The following CBR4 variants were observed in gnomAD, a reference collection of about 807,000 sequenced individuals.
CBR4 encodes the protein carbonyl reductase 4.
A neutral mutation model predicts 21.0 loss-of-function variants in CBR4; 22 were observed. The observed-to-expected ratio is 1.05, with a 90% confidence interval of 0.75 to 1.50. The LOEUF is 1.50. Ranked by LOEUF, CBR4 falls within the 40% of genes most tolerant of loss-of-function variation. The pLI is 0.00. For synonymous variants in CBR4, 100 were observed against 104.4 expected, an observed-to-expected ratio of 0.96 and a Z score of 0.26; for missense variants, 302 against 286.3, an observed-to-expected ratio of 1.05 and a Z score of -0.40.
At chr4:168,992,372 A>G (rs868479639) in intron 4 of CBR4, among the ~76,000 whole-genome samples, 5 of 152,200 alleles carry the variant, frequency 3.3e-5, no homozygotes, top group Middle Eastern at 3.2e-3. Context: ...ACAGAGGTGA[A>G]TAAGAAATTA....
intron 2 of CBR4, among the ~76,000 whole-genome samples, 181 bp downstream of exon 2, chr4:169,007,454 AC>A (rs1479472662): frequency 6.6e-6 from 1 of 152,184 alleles, no homozygotes; most frequent in Admixed American, 6.5e-5. Flanking sequence ...ACTCAACTGG[AC>A]ATTTATTATA....
intron 2 of CBR4, among the ~76,000 whole-genome samples, chr4:168,907,007 C>G (rs1757953313): frequency 6.6e-6 from 1 of 152,208 alleles, no homozygotes; most frequent in Non-Finnish European, 1.5e-5. Context: ...TGAGCATGAA[C>G]TTTGGCATCA....
intron 2 of CBR4, among the ~76,000 whole-genome samples, chr4:168,976,179 G>A (rs890888295): frequency 6.6e-6 from 1 of 152,176 alleles, no homozygotes; most frequent in African/African-American, 2.4e-5. Flanking sequence ...ATTCAGCTAG[G>A]AGGTTCCTTC....
intron 2 of CBR4, among the ~76,000 whole-genome samples, chr4:168,916,952 A>C (rs914927650): frequency 2.6e-5 from 4 of 151,452 alleles, no homozygotes; most frequent in African/African-American, 9.7e-5. Flanking sequence ...TACAGGTGTG[A>C]GCCACAGTGC....
chr4:168,990,452 TTTGAGACAGG>T lies in CBR4; in HGVS notation c.536-134_536-125del, dbSNP rs1764862619. 5 of 935,424 alleles carry T rather than the reference TTTGAGACAGG, an allele frequency of 5.3e-6. No homozygotes were observed. The East Asian group carries it at 1.2e-4, about 23-fold the overall frequency. The allele number at this position is 935,424 out of a possible 1,614,324, so 57.9% of individuals were successfully genotyped here. ...GAAATTATTTAAAAAAAAATTTTTT[TTTGAGACAGG>T]GTCTCACTCTGTCACCCAAGCTAGA... On this transcript the variant is annotated intron_variant, in intron 4 of 4. Transcript: ENST00000306193.
At chr4:168,912,297 G>C (rs1004106529) in intron 2 of CBR4, among the ~76,000 whole-genome samples, 2 of 152,176 alleles carry the variant, frequency 1.3e-5, no homozygotes, top group Non-Finnish European at 2.9e-5. Context: ...CTCTGAGCTA[G>C]AACTCACTAA....
chr4:168,952,959 G>A (rs1763584162), intron 2 of CBR4, among the ~76,000 whole-genome samples: 1 of 152,200 alleles, frequency 6.6e-6, no homozygotes, highest in Admixed American at 6.5e-5. Flanking sequence ...AACTGGCAGT[G>A]GGCAGGGCCC....
At position 168,943,037 on chromosome 4, in the gene CBR4, C is replaced by T. The variant is rs185182445; in HGVS notation, n.170-48272G>A. On this transcript the variant is annotated intron_variant and non_coding_transcript_variant, in intron 2 of 3. Transcript: ENST00000509108. ...TTGGTGGGAATGTAGACTAGCACAA[C>T]CTCTATGGAGTACAGTATGGAGATT... Among the ~76,000 whole-genome samples, 16 of 152,270 alleles carry T rather than the reference C, an allele frequency of 1.1e-4. No homozygotes were observed. The East Asian group carries it at 2.1e-3, about 20-fold the overall frequency.
chr4:168,916,177 C>A (rs1267293365), intron 2 of CBR4: 14 of 793,686 alleles, frequency 1.8e-5, no homozygotes, highest in Non-Finnish European at 2.8e-5. Context: ...CTTTAGAGTC[C>A]AAAGCCGGGC....
intron 2 of CBR4, among the ~76,000 whole-genome samples, chr4:168,949,579 G>C (rs959670434): frequency 2.6e-5 from 4 of 152,120 alleles, no homozygotes; most frequent in African/African-American, 9.7e-5. Context: ...ATCATAAAGG[G>C]ATGCTGGATT....
At chr4:168,907,627 G>A (rs1368825328) in intron 2 of CBR4, among the ~76,000 whole-genome samples, 1 of 152,162 alleles carries the variant, frequency 6.6e-6, no homozygotes, top group African/African-American at 2.4e-5. Flanking sequence ...AAAAGAGAGT[G>A]GTTACTGCCC....
At chr4:168,926,175 C>T (rs1323392077) in intron 2 of CBR4, 1 of 1,457,116 alleles carries the variant, frequency 6.9e-7, no homozygotes, top group South Asian at 1.4e-5. Flanking sequence ...CCAAGTATAT[C>T]TTGATTAAAA....
chr4:168,917,049 G>GGTTTTTTTTTTTT (rs1491537610), intron 2 of CBR4, among the ~76,000 whole-genome samples: 1 of 124,876 alleles, frequency 8.0e-6, no homozygotes, highest in Non-Finnish European at 1.7e-5. Flanking sequence ...TTTTTTTGGG[G>GGTTTTTTTTTTTT]TTTTTTTTTT....
intron 2 of CBR4, among the ~76,000 whole-genome samples, chr4:168,972,901 T>C (rs1017330387): frequency 6.6e-5 from 10 of 152,238 alleles, no homozygotes; most frequent in Non-Finnish European, 5.9e-5. Context: ...AGTATAATGT[T>C]GGTTGTGAGC....
Position 168,988,328 on chromosome 4 carries a change from A to G in CBR4, c.*1822T>C. 1 of 985,224 alleles carries G rather than the reference A, an allele frequency of 1.0e-6. No individual in the cohort carries two copies. The highest frequency in any genetic ancestry group is 1.2e-6 in the Non-Finnish European group (1 of 829,716). The allele number at this position is 985,224 out of a possible 1,614,324, so 61.0% of individuals were successfully genotyped here. A position where few individuals can be genotyped will look rare whatever the true frequency, so the allele number is the denominator to read the frequency against. On this transcript the variant is annotated 3_prime_UTR_variant, in exon 5 of 5. Coordinates refer to ENST00000306193, the MANE Select transcript of CBR4 (RefSeq NM_032783.5). ...ATTTCTTATTTTAAAGTATAAAAAC[A>G]TACACTTAAAGGCTAAACCTATCTA...
intron 2 of CBR4, chr4:168,926,314 G>A: frequency 6.5e-7 from 1 of 1,537,324 alleles, no homozygotes; most frequent in Non-Finnish European, 8.7e-7. Flanking sequence ...CATCAAAGCA[G>A]CGTTCCAACC....
intron 3 of CBR4, chr4:168,894,504 T>C (rs902378006): frequency 1.7e-5 from 15 of 872,840 alleles, no homozygotes; most frequent in Non-Finnish European, 2.8e-5. Flanking sequence ...TGTTGTTTTT[T>C]ACTCTTTTTC....
rs111353365 is a variant in CBR4, at chr4:169,003,598, T to C, written c.401-1393A>G. Among the ~76,000 whole-genome samples the C allele has an allele frequency of 9.6e-4, 146 of 152,350 alleles. 1 individual carries two copies. The highest frequency in any genetic ancestry group is 3.4e-3 in the African/African-American group (141 of 41,580). The stretch of plus-strand genomic sequence containing the variant: ...TTTTTAAAGATCTACTTGCATAAAA[T>C]GCTATCAAACAGCATCACATGCTGC... On this transcript the variant is annotated intron_variant, in intron 3 of 4. Coordinates refer to ENST00000306193, the MANE Select transcript of CBR4 (RefSeq NM_032783.5).
intron 2 of CBR4, among the ~76,000 whole-genome samples, chr4:168,919,290 G>A (rs1385901577): frequency 2.0e-5 from 3 of 152,194 alleles, no homozygotes; most frequent in South Asian, 4.1e-4. Flanking sequence ...TTGGGAGGCC[G>A]AGGCAGGTGG....
Sources: allele counts gnomAD v4.1 joint callset (sites outside exome capture counted in the v4.1 genomes callset), GRCh38; gene constraint gnomAD v4.1.1; transcripts MANE v1.5; gene names NCBI Gene and HGNC (gene_info 2026-07-23, HGNC 2026-07-21).